SMCHD1: variants seen among roughly 807,000 people sequenced by gnomAD.
The protein encoded by SMCHD1 is structural maintenance of chromosomes flexible hinge domain-containing protein 1.
In SMCHD1, 78 loss-of-function variants were observed where a neutral mutation model predicts 254.7. That is an observed-to-expected ratio of 0.31 (90% CI 0.26 to 0.37). SMCHD1 has a LOEUF of 0.37. SMCHD1 is among the 10% of genes least tolerant of loss of function. The pLI, the probability that SMCHD1 is intolerant of heterozygous loss-of-function variation, is 1.00. For synonymous variants in SMCHD1, 766 were observed against 794.9 expected (o/e 0.96, Z 0.61); for missense variants, 1,840 against 2,408.1 (o/e 0.76, Z 4.94).
intron 17 of SMCHD1, among the ~76,000 whole-genome samples, chr18:2,713,415 A>G (rs530845350): frequency 1.1e-4 from 16 of 152,220 alleles, no homozygotes; most frequent in African/African-American, 3.4e-4. Context: ...TTCTTTCTCT[A>G]TTGGTACAAG....
At chr18:2,769,863 A>C (rs755495983) in intron 38 of SMCHD1, 43 bp downstream of exon 38, 1 of 1,572,438 alleles carries the variant, frequency 6.4e-7, no homozygotes, top group Admixed American at 1.9e-5. Flanking sequence ...GTTGTTAGTG[A>C]TACTTTAGAT....
intron 1 of SMCHD1, among the ~76,000 whole-genome samples, chr18:2,658,083 A>G (rs555117): frequency 0.58 from 88,127 of 152,096 alleles, 26,972 homozygotes; most frequent in African/African-American, 0.79. Context: ...CACTGCACCC[A>G]GTGGAAAAAC....
chr18:2,780,273 A>T (rs1268412264), intron 44 of SMCHD1, among the ~76,000 whole-genome samples: 6 of 151,140 alleles, frequency 4.0e-5, no homozygotes, highest in Non-Finnish European at 8.8e-5. Context: ...AAAAGGCAAT[A>T]ATAAATTCAT....
chr18:2,688,392 A>T lies in SMCHD1; in HGVS notation c.639-2A>T. 1 of 1,596,138 alleles carries T rather than the reference A, an allele frequency of 6.3e-7. No individual in the cohort carries two copies. Among genetic ancestry groups the T allele is most frequent in the Non-Finnish European group, 8.6e-7 (1 of 1,163,988 alleles). On this transcript the variant is annotated splice_acceptor_variant, in intron 5 of 47. Coordinates refer to ENST00000320876, the MANE Select transcript of SMCHD1 (RefSeq NM_015295.3). LOFTEE classifies it high-confidence loss of function. ...AATCACTGCATTAATGTTTTATTTTAGTGATCATTCAGGATATGTTCGTCC... is the reference window on the plus strand; with the variant it reads ...AATCACTGCATTAATGTTTTATTTTTGTGATCATTCAGGATATGTTCGTCC...
chr18:2,715,539 C>G (rs1440990343), intron 17 of SMCHD1, among the ~76,000 whole-genome samples: 8 of 151,964 alleles, frequency 5.3e-5, no homozygotes, highest in African/African-American at 1.9e-4. Flanking sequence ...TTTCAGCTAT[C>G]TCCTGTATCT....
At chr18:2,794,496 A>G (rs899033419) in intron 45 of SMCHD1, among the ~76,000 whole-genome samples, 2 of 152,132 alleles carry the variant, frequency 1.3e-5, no homozygotes, top group African/African-American at 4.8e-5. Context: ...ACAGAGTGAG[A>G]CCGTATCTCA....
In SMCHD1 at chr18:2,772,346, A is replaced by G. The variant is rs761031769; in HGVS notation, c.5149A>G (p.Lys1717Glu). 3 of 1,588,656 alleles carry G rather than the reference A, an allele frequency of 1.9e-6. No individual in the cohort carries two copies. Among genetic ancestry groups the G allele is most frequent in the Non-Finnish European group, 2.6e-6 (3 of 1,170,128 alleles). The change falls in exon 41 of 48, where the codon AAA becomes GAA. Residue 1717 changes from lysine to glutamate, a missense_variant. Around this residue, in one of 9 missense-constraint regions of SMCHD1, gnomAD observed 881 missense variants for 1,009.5 expected, o/e 0.87. Transcript: ENST00000320876. ...ATCGTGTACTCTTCCAAACTATACT[A>G]AAGGCAGTGGAGATGTTTTGGGAAA... ...RRSCTLPNYTKGSGDVLGKIA... is the reference protein window; with the variant it reads ...RRSCTLPNYTEGSGDVLGKIA...
chr18:2,728,377 T>C, intron 22 of SMCHD1, 80 bp from the exon 23 acceptor site: 1 of 1,347,110 alleles, frequency 7.4e-7, no homozygotes, highest in Non-Finnish European at 1.0e-6. Flanking sequence ...GTCTTTAATG[T>C]TAAAGTTATT....
intron 28 of SMCHD1, among the ~76,000 whole-genome samples, chr18:2,743,517 T>TA (rs537664795): frequency 1.3e-5 from 2 of 152,046 alleles, no homozygotes; most frequent in Non-Finnish European, 2.9e-5. Context: ...TAAGAAAAGA[T>TA]AAAATAAAGA....
intron 45 of SMCHD1, among the ~76,000 whole-genome samples, chr18:2,790,978 G>C (rs2076310095): frequency 6.6e-6 from 1 of 152,138 alleles, no homozygotes; most frequent in African/African-American, 2.4e-5. Flanking sequence ...ACTATTTGTA[G>C]ATTGTGTAAC....
At chr18:2,722,941 T>C (rs1389225245) in intron 20 of SMCHD1, among the ~76,000 whole-genome samples, 3 of 145,124 alleles carry the variant, frequency 2.1e-5, no homozygotes, top group Non-Finnish European at 4.6e-5. Context: ...TATGATATAA[T>C]GTCTCTTAAC....
At chr18:2,781,703 A>G (rs947781458) in intron 44 of SMCHD1, among the ~76,000 whole-genome samples, 1 of 152,198 alleles carries the variant, frequency 6.6e-6, no homozygotes, top group Non-Finnish European at 1.5e-5. Flanking sequence ...AGAGCTTCTA[A>G]AAATCAAAAG....
At position 2,805,016 on chromosome 18, in the gene SMCHD1, T is replaced by C. The variant is rs796939324; in HGVS notation, c.*2464T>C. The C allele has an allele frequency of 3.9e-5, 6 of 152,352 alleles. No homozygotes were observed. Among genetic ancestry groups the C allele is most frequent in the African/African-American group, 1.4e-4 (6 of 41,602 alleles). 9.4% of individuals were successfully genotyped at this position (152,352 alleles called of 1,614,324 possible). ...ACTCTCTCCAAGCCTTTTTGCACAT[T>C]ACGTTCATCAGTTTTCATGTGTACA... On this transcript the variant is annotated 3_prime_UTR_variant, in exon 48 of 48. Coordinates refer to ENST00000320876, the MANE Select transcript of SMCHD1 (RefSeq NM_015295.3).
At chr18:2,722,701 T>C in intron 20 of SMCHD1, 38 bp downstream of exon 20, 2 of 1,548,388 alleles carry the variant, frequency 1.3e-6, no homozygotes, top group Non-Finnish European at 1.7e-6. Context: ...TCCTTTGATA[T>C]TTGCTAAGCA....
chr18:2,676,775 TACAC>T (rs745465819), intron 5 of SMCHD1, among the ~76,000 whole-genome samples: 7 of 152,056 alleles, frequency 4.6e-5, no homozygotes, highest in African/African-American at 1.7e-4. Context: ...TCTACACACT[TACAC>T]ACACACACTT....
rs1025240255 is a variant in SMCHD1 at position 2,688,208 on chromosome 18, A to C, written c.639-186A>C. Among the ~76,000 whole-genome samples the C allele has an allele frequency of 2.0e-5, 3 of 152,252 alleles. No individual in the cohort carries two copies. In the South Asian group the frequency reaches 6.2e-4, roughly 31 times the overall value. Reference sequence around the variant, plus strand: ...AAAAGTTTTCAGCTAAAGCTGATGCATCTGGCCTGGGGACTACACTTTGAG... The same window carrying C: ...AAAAGTTTTCAGCTAAAGCTGATGCCTCTGGCCTGGGGACTACACTTTGAG... On this transcript the variant is annotated intron_variant, in intron 5 of 47. Coordinates refer to ENST00000320876, the MANE Select transcript of SMCHD1 (RefSeq NM_015295.3).
chr18:2,684,141 AAG>A (rs1332917960), intron 5 of SMCHD1, among the ~76,000 whole-genome samples: 2 of 152,126 alleles, frequency 1.3e-5, no homozygotes, highest in African/African-American at 4.8e-5. Context: ...GTTTGCGGGG[AAG>A]AGAGAGATCC....
chr18:2,720,581 A>C (rs1473387705), intron 19 of SMCHD1, among the ~76,000 whole-genome samples: 1 of 152,156 alleles, frequency 6.6e-6, no homozygotes, highest in African/African-American at 2.4e-5. Context: ...CTCTTTGGCT[A>C]TTCAGATTCC....
At chr18:2,792,012 G>A (rs940141832) in intron 45 of SMCHD1, among the ~76,000 whole-genome samples, 10 of 152,146 alleles carry the variant, frequency 6.6e-5, no homozygotes, top group Non-Finnish European at 1.2e-4. Context: ...TTATTGAATT[G>A]TAAAATCTGA....
Sources: gnomAD v4.1 joint callset for allele counts (sites outside exome capture counted in the v4.1 genomes callset) on GRCh38, gnomAD v4.1.1 for gene constraint, gnomAD v4.1.1 regional missense constraint, MANE v1.5 for transcripts, NCBI Gene and HGNC (gene_info 2026-07-23, HGNC 2026-07-21) for gene names.